Variants in TUSC3 observed in about 807,000 individuals in gnomAD.
TUSC3 encodes dolichyl-diphosphooligosaccharide--protein glycosyltransferase subunit TUSC3.
TUSC3 carries 45 observed loss-of-function variants against 44.8 expected under a neutral mutation model. The ratio of observed to expected loss-of-function variants is 1.00; its 90% CI spans 0.79 to 1.29. TUSC3 has a LOEUF of 1.29. Among genes scored for constraint, TUSC3 ranks in the 50% most tolerant of loss-of-function variants. The pLI is 0.00. For missense variants in TUSC3, 519 were observed against 437.9 expected, an observed-to-expected ratio of 1.19 and a Z score of -1.65; for synonymous variants, 212 against 152.9, an observed-to-expected ratio of 1.39 and a Z score of -2.85.
intron 1 of TUSC3, among the ~76,000 whole-genome samples, chr8:15,581,630 G>C (rs1478298656): frequency 3.3e-5 from 5 of 149,774 alleles, no homozygotes; most frequent in African/African-American, 7.5e-5. Context: ...TAGGCTGCTT[G>C]GGGGTCAGGG....
chr8:15,522,808 AC>A (rs1259136880), intron 2 of TUSC3, among the ~76,000 whole-genome samples: 1 of 152,106 alleles, frequency 6.6e-6, no homozygotes, highest in Non-Finnish European at 1.5e-5. Context: ...TGAGGAATTT[AC>A]CTCTGACAGG....
chr8:15,750,335 C>G (rs1358736954), intron 9 of TUSC3, among the ~76,000 whole-genome samples: 1 of 152,034 alleles, frequency 6.6e-6, no homozygotes, highest in Non-Finnish European at 1.5e-5. Context: ...AGGGCAAATT[C>G]TAACTTTCCT....
chr8:15,839,561 G>A, the TUSC3 span, among the ~76,000 whole-genome samples: 58 of 152,268 alleles, frequency 3.8e-4, no homozygotes, highest in Non-Finnish European at 7.9e-4. Context: ...CAACAAGTGG[G>A]TGAAGGATAT....
chr8:15,742,501 A>G (rs1377949247), intron 7 of TUSC3, among the ~76,000 whole-genome samples: 3 of 152,212 alleles, frequency 2.0e-5, no homozygotes, highest in African/African-American at 7.2e-5. Flanking sequence ...TTATAAAAAC[A>G]AGACTCAGAG....
At chr8:15,491,695 G>A (rs1179480607) in intron 2 of TUSC3, among the ~76,000 whole-genome samples, 1 of 152,114 alleles carries the variant, frequency 6.6e-6, no homozygotes, top group African/African-American at 2.4e-5. Flanking sequence ...GAGAAACTAA[G>A]GCTAAGCACC....
downstream of TUSC3, among the ~76,000 whole-genome samples, chr8:15,770,952 T>C (rs1041460384): frequency 6.6e-6 from 1 of 151,954 alleles, no homozygotes; most frequent in South Asian, 2.1e-4. Flanking sequence ...TTCAAAGAGA[T>C]CCATACCAAG....
At chr8:15,733,320 C>A in intron 7 of TUSC3, 1 of 366,412 alleles carries the variant, frequency 2.7e-6, no homozygotes, top group African/African-American at 2.2e-5. Flanking sequence ...AAGTTTTTAA[C>A]TCATTTATTT....
chr8:15,423,301 A>T (rs1397174165), intron 1 of TUSC3, among the ~76,000 whole-genome samples: 1 of 151,990 alleles, frequency 6.6e-6, no homozygotes, highest in Non-Finnish European at 1.5e-5. Context: ...CCTTTTTTGA[A>T]GTGTCTTTGT....
At chr8:15,479,410 G>C (rs531879365) in intron 1 of TUSC3, among the ~76,000 whole-genome samples, 10 of 152,140 alleles carry the variant, frequency 6.6e-5, no homozygotes, top group African/African-American at 2.2e-4. Flanking sequence ...GGTTTTTATA[G>C]TTTTGGGTTT....
chr8:15,658,552 A>G (rs1807271262), intron 3 of TUSC3, among the ~76,000 whole-genome samples: 1 of 152,002 alleles, frequency 6.6e-6, no homozygotes, highest in East Asian at 1.9e-4. Flanking sequence ...TCAAGGGCTG[A>G]AAAATCTCTT....
chr8:15,603,378 T>A (rs1397760379), intron 1 of TUSC3, among the ~76,000 whole-genome samples: 1 of 151,664 alleles, frequency 6.6e-6, no homozygotes, highest in East Asian at 1.9e-4. Flanking sequence ...TGTTGATAAG[T>A]ATGTGGGAAA....
chr8:15,530,489 A>C (rs1229439022), intron 2 of TUSC3, among the ~76,000 whole-genome samples: 1 of 152,128 alleles, frequency 6.6e-6, no homozygotes, highest in African/African-American at 2.4e-5. Context: ...TATTATCCTC[A>C]TTTTACAAAT....
At chr8:15,476,015 G>A (rs1362065448) in intron 1 of TUSC3, among the ~76,000 whole-genome samples, 1 of 152,104 alleles carries the variant, frequency 6.6e-6, no homozygotes, top group African/African-American at 2.4e-5. Flanking sequence ...TGTACATCAA[G>A]CTTTGAAAGA....
At chr8:15,622,252 A>C (rs1214964855) in intron 1 of TUSC3, among the ~76,000 whole-genome samples, 1 of 152,086 alleles carries the variant, frequency 6.6e-6, no homozygotes, top group Non-Finnish European at 1.5e-5. Context: ...AGGCTTGTTC[A>C]AGTAAGATGA....
the TUSC3 span, among the ~76,000 whole-genome samples, chr8:15,843,593 C>CATATAT: frequency 2.0e-4 from 18 of 91,106 alleles, no homozygotes; most frequent in African/African-American, 8.7e-4. Context: ...ACTTGATGTA[C>CATATAT]ATATATATAT....
chr8:15,755,284 A>G (rs1811876785), intron 9 of TUSC3, among the ~76,000 whole-genome samples: 1 of 152,182 alleles, frequency 6.6e-6, no homozygotes, highest in Non-Finnish European at 1.5e-5. Flanking sequence ...GAAAGATTAC[A>G]TGAGAGAATG....
At chr8:15,467,482 C>G (rs1800429103) in intron 1 of TUSC3, among the ~76,000 whole-genome samples, 1 of 152,192 alleles carries the variant, frequency 6.6e-6, no homozygotes, top group African/African-American at 2.4e-5. Flanking sequence ...TAGGACACTT[C>G]TAATTTCTAA....
At chr8:15,446,086 A>C (rs1313664053) in intron 1 of TUSC3, among the ~76,000 whole-genome samples, 1 of 144,314 alleles carries the variant, frequency 6.9e-6, no homozygotes, top group Non-Finnish European at 1.5e-5. Flanking sequence ...CACCTCCCAG[A>C]CGGGGTGGCG....
chr8:15,652,891 A>G (rs933891654), intron 3 of TUSC3, among the ~76,000 whole-genome samples: 2 of 152,258 alleles, frequency 1.3e-5, no homozygotes, highest in Middle Eastern at 3.4e-3. Flanking sequence ...GTTTAGTTTC[A>G]TTGTATCTTT....
Sources: allele counts gnomAD v4.1 joint callset (sites outside exome capture counted in the v4.1 genomes callset), GRCh38; gene constraint gnomAD v4.1.1; transcripts MANE v1.5; gene names NCBI Gene and HGNC (gene_info 2026-07-23, HGNC 2026-07-21).